The following NQO1 variants were observed in gnomAD, a reference collection of about 807,000 sequenced individuals.
The protein encoded by NQO1 is NAD(P)H quinone dehydrogenase 1.
Under a neutral mutation model 32.1 loss-of-function variants are expected in NQO1, and 30 were observed. The ratio of observed to expected loss-of-function variants is 0.94; its 90% confidence interval spans 0.70 to 1.27. The LOEUF is 1.27. Among genes scored for constraint, NQO1 ranks in the 50% most tolerant of loss-of-function variants. NQO1 has a pLI of 0.00. For synonymous variants in NQO1, 109 were observed against 119.7 expected (o/e 0.91, Z 0.59); for missense variants, 276 against 331.3 (o/e 0.83, Z 1.30).
intron 1 of NQO1, among the ~76,000 whole-genome samples, chr16:69,720,384 T>G (rs2038172865): frequency 6.6e-6 from 1 of 151,284 alleles, no homozygotes; most frequent in African/African-American, 2.4e-5. Context: ...CCATTTTTAT[T>G]TAAAATGAAA....
chr16:69,711,466 C>G (rs1324613048), intron 5 of NQO1, among the ~76,000 whole-genome samples, 185 bp from the exon 6 acceptor site: 2 of 151,924 alleles, frequency 1.3e-5, no homozygotes. Flanking sequence ...CAATTTTAGC[C>G]TTCTCAGGTG....
At chr16:69,726,321 T>C in intron 1 of NQO1, 112 bp downstream of exon 1, 3 of 1,445,282 alleles carry the variant, frequency 2.1e-6, no homozygotes, top group Non-Finnish European at 2.8e-6. Flanking sequence ...CTCTTCCCTT[T>C]GTGGGTTTTG....
At chr16:69,725,207 A>G (rs1417259044) in intron 1 of NQO1, among the ~76,000 whole-genome samples, 3 of 152,154 alleles carry the variant, frequency 2.0e-5, no homozygotes, top group East Asian at 1.9e-4. Flanking sequence ...CAGTTTGTCA[A>G]CTGCAAGGGC....
At chr16:69,718,279 G>T in intron 2 of NQO1, 26 bp from the exon 3 acceptor site, 1 of 1,613,512 alleles carries the variant, frequency 6.2e-7, no homozygotes, top group Non-Finnish European at 8.5e-7. Context: ...AGAGAGGCTG[G>T]GGCCAGAGGG....
intron 1 of NQO1, among the ~76,000 whole-genome samples, chr16:69,722,565 C>T (rs960669084): frequency 3.9e-5 from 6 of 152,226 alleles, no homozygotes; most frequent in Non-Finnish European, 8.8e-5. Context: ...TTATTGACCA[C>T]ATCTAGCAAG....
At position 69,714,967 on chromosome 16, in the gene NQO1, G is replaced by A; in HGVS notation, c.414C>T (p.Phe138=). 1 of 1,610,216 alleles carries A rather than the reference G, an allele frequency of 6.2e-7. No homozygotes were observed. Among genetic ancestry groups the A allele is most frequent in the Non-Finnish European group, 8.5e-7 (1 of 1,176,686 alleles). The part of the protein sequence containing the change: ...TYAAMYDKGP[F]RSKKAVLSIT... ...GCATTCAGAACCATCCACCTACCCGGAAGGGTCCTTTGTCATACATGGCAG... is the reference window on the plus strand; with the variant it reads ...GCATTCAGAACCATCCACCTACCCGAAAGGGTCCTTTGTCATACATGGCAG... Residue 138 remains phenylalanine, a synonymous_variant, in exon 4 of 6, where the codon TTC becomes TTT. Coordinates refer to ENST00000320623, the MANE Select transcript of NQO1 (RefSeq NM_000903.3).
In NQO1 at chr16:69,715,026, G is replaced by A. The variant is rs140464487; in HGVS notation, c.355C>T (p.Arg119Ter). The A allele has an allele frequency of 2.7e-5, 43 of 1,613,236 alleles. No homozygotes were observed. Among genetic ancestry groups the A allele is most frequent in the African/African-American group, 4.0e-5 (3 of 74,568 alleles). The stretch of plus-strand genomic sequence containing the variant: ...TAAGCAAACTCTCCTATGAACACTC[G>A]CTCAAACCAGCCTTTCAGAATGGCA... Reference protein sequence around the residue: ...VPAILKGWFERVFIGEFAYTY... With the variant: ...VPAILKGWFE The change falls in exon 4 of 6, where the codon CGA (arginine) becomes TGA (stop). Residue 119 changes from arginine to a stop codon, truncating the protein, a stop_gained. Coordinates refer to ENST00000320623, the MANE Select transcript of NQO1 (RefSeq NM_000903.3). LOFTEE classifies it high-confidence loss of function.
At chr16:69,716,557 G>A (rs577837992) in intron 3 of NQO1, among the ~76,000 whole-genome samples, 3 of 152,106 alleles carry the variant, frequency 2.0e-5, no homozygotes, top group African/African-American at 7.2e-5. Flanking sequence ...TAATTAGGGT[G>A]ACTAAGGTTC....
rs2038062346 is a variant in NQO1 at position 69,713,065 on chromosome 16, A to G, written c.482T>C (p.Ile161Thr). The G allele has an allele frequency of 6.2e-7, 1 of 1,614,180 alleles. No homozygotes were observed. ...GAGAATGACATTCATGTCCCCGTGG[A>G]TCCCTTGCAGAGAGTACATGGAGCC... ...GSGSMYSLQG[I>T]HGDMNVILWP... The change falls in exon 5 of 6, where the codon ATC becomes ACC. Residue 161 changes from isoleucine to threonine, a missense_variant. By Grantham distance (89) the Ile-to-Thr change is moderately conservative. Coordinates refer to ENST00000320623, the MANE Select transcript of NQO1 (RefSeq NM_000903.3).
intron 1 of NQO1, among the ~76,000 whole-genome samples, chr16:69,722,957 T>G (rs897557191): frequency 6.6e-6 from 1 of 152,228 alleles, no homozygotes; most frequent in Non-Finnish European, 1.5e-5. Flanking sequence ...AGACAGAGTT[T>G]CGCTCTGTCG....
chr16:69,714,310 G>T (rs1221881331), intron 4 of NQO1, among the ~76,000 whole-genome samples: 1 of 150,942 alleles, frequency 6.6e-6, no homozygotes, highest in Non-Finnish European at 1.5e-5. Context: ...AGCTGGGATT[G>T]TAGATGCCCG....
Position 69,713,018 on chromosome 16 carries a change from A to G in NQO1, c.519+10T>C, listed in dbSNP as rs932769970. On this transcript the variant is annotated intron_variant, in intron 5 of 5. Transcript: ENST00000320623. Reference sequence around the variant, plus strand: ...AAAGAAAAAAAAGAAAAGAAAAGAAAATGAGGTACCTGAATTGGCCAGAGA... The same window carrying G: ...AAAGAAAAAAAAGAAAAGAAAAGAAGATGAGGTACCTGAATTGGCCAGAGA... 1.5e-5 allele frequency: 24 copies of G among 1,607,530 alleles called. No individual in the cohort carries two copies. Among genetic ancestry groups the G allele is most frequent in the Non-Finnish European group, 2.0e-5 (23 of 1,175,234 alleles).
chr16:69,717,607 CTTTTT>C (rs937696085), intron 3 of NQO1, among the ~76,000 whole-genome samples: 1 of 138,884 alleles, frequency 7.2e-6, no homozygotes, highest in Non-Finnish European at 1.6e-5. Flanking sequence ...TTCTTTCTTT[CTTTTT>C]TTTTTTTTTT....
chr16:69,716,988 G>A (rs2038121319), intron 3 of NQO1, among the ~76,000 whole-genome samples: 1 of 151,456 alleles, frequency 6.6e-6, no homozygotes, highest in South Asian at 2.1e-4. Context: ...TGGGGTACTG[G>A]CTAGTGGCAT....
chr16:69,718,328 C>T (rs759012601), intron 2 of NQO1, 42 bp downstream of exon 2: 43 of 1,613,186 alleles, frequency 2.7e-5, no homozygotes, highest in Middle Eastern at 1.7e-4. Context: ...CAAGGAGATC[C>T]GCAAAGAACT....
chr16:69,715,206 T>A (rs932841033), intron 3 of NQO1, 129 bp from the exon 4 acceptor site: 5 of 682,178 alleles, frequency 7.3e-6, no homozygotes, highest in Non-Finnish European at 1.3e-5. Context: ...TTCCCATTCC[T>A]CCTGGGGAGT....
At chr16:69,711,346 A>G (rs974149707) in intron 5 of NQO1, 65 bp from the exon 6 acceptor site, 1 of 1,444,266 alleles carries the variant, frequency 6.9e-7, no homozygotes, top group East Asian at 2.3e-5. Flanking sequence ...TATAAACAAC[A>G]GAAGTTGGTC....
At chr16:69,714,582 C>T (rs2038087643) in intron 4 of NQO1, among the ~76,000 whole-genome samples, 1 of 151,686 alleles carries the variant, frequency 6.6e-6, no homozygotes, top group Admixed American at 6.6e-5. Flanking sequence ...TAATTGTGCT[C>T]AAAACCCTGC....
chr16:69,726,334 T>G, intron 1 of NQO1, 99 bp downstream of exon 1: 5 of 1,519,910 alleles, frequency 3.3e-6, no homozygotes, highest in Non-Finnish European at 4.5e-6. Flanking sequence ...GGGTTTTGAG[T>G]CAAGGAACAA....
Sources: allele counts gnomAD v4.1 joint callset (sites outside exome capture counted in the v4.1 genomes callset), GRCh38; gene constraint gnomAD v4.1.1; transcripts MANE v1.5; gene names NCBI Gene and HGNC (gene_info 2026-07-23, HGNC 2026-07-21).